LRRC37A2: variants seen among roughly 807,000 people sequenced by gnomAD.
The protein encoded by LRRC37A2 is leucine-rich repeat-containing protein 37A2.
In LRRC37A2, 9 loss-of-function variants were observed where a neutral mutation model predicts 68.8. That is an observed-to-expected ratio of 0.13 (90% CI 0.08 to 0.23). The LOEUF is 0.23. Among genes scored for constraint, LRRC37A2 ranks in the 10% least tolerant of loss-of-function variants. LRRC37A2 has a pLI of 1.00. For synonymous variants in LRRC37A2, 63 were observed against 367.6 expected (o/e 0.17, Z 9.48); for missense variants, 168 against 950.4 (o/e 0.18, Z 10.82).
At chr17:46,899,894 G>T in the LRRC37A2 span, among the ~76,000 whole-genome samples, 1 of 151,680 alleles carries the variant, frequency 6.6e-6, no homozygotes, top group Non-Finnish European at 1.5e-5. Flanking sequence ...ATATAGTGGG[G>T]GTAGTTAAGG....
chr17:46,911,959 T>C, the LRRC37A2 span, among the ~76,000 whole-genome samples: 1 of 152,194 alleles, frequency 6.6e-6, no homozygotes, highest in African/African-American at 2.4e-5. Flanking sequence ...GAGATCATTA[T>C]TAGTGAGAGC....
chr17:46,971,417 A>G, the LRRC37A2 span, among the ~76,000 whole-genome samples: 1 of 152,178 alleles, frequency 6.6e-6, no homozygotes, highest in Admixed American at 6.5e-5. Flanking sequence ...TTCTGAGCTG[A>G]TAGTCAAGGT....
At chr17:46,996,826 T>C in the LRRC37A2 span, among the ~76,000 whole-genome samples, 3 of 152,162 alleles carry the variant, frequency 2.0e-5, no homozygotes, top group African/African-American at 4.8e-5. Flanking sequence ...TTTCTAATTA[T>C]TTATTATGAT....
At chr17:46,721,320 C>A in the LRRC37A2 span, among the ~76,000 whole-genome samples, 5 of 152,150 alleles carry the variant, frequency 3.3e-5, no homozygotes, top group Non-Finnish European at 7.3e-5. Context: ...AGCTGCTCTT[C>A]CTTCCTTTAG....
At chr17:46,500,734 A>T in the LRRC37A2 span, among the ~76,000 whole-genome samples, 9 of 151,192 alleles carry the variant, frequency 6.0e-5, no homozygotes, top group East Asian at 1.7e-3. Flanking sequence ...ACATTCAATG[A>T]GTAGCAAAGT....
the LRRC37A2 span, among the ~76,000 whole-genome samples, chr17:46,793,235 T>A: frequency 1.5e-5 from 2 of 129,910 alleles, no homozygotes; most frequent in Admixed American, 1.8e-4. Context: ...GATCGAGCCA[T>A]TTTACTCTAG....
At chr17:46,516,392 G>C (rs1432273282) in intron 2 of LRRC37A2, among the ~76,000 whole-genome samples, 13 of 140,998 alleles carry the variant, frequency 9.2e-5, no homozygotes, top group Non-Finnish European at 3.1e-5. Flanking sequence ...GCAGACCATT[G>C]GTGCTAGAAT....
At chr17:46,996,842 C>T in the LRRC37A2 span, among the ~76,000 whole-genome samples, 18 of 152,266 alleles carry the variant, frequency 1.2e-4, no homozygotes, top group East Asian at 1.2e-3. Context: ...ATGATTTTGT[C>T]GGTTGACTGG....
chr17:46,908,922 T>A, the LRRC37A2 span, among the ~76,000 whole-genome samples: 12 of 152,142 alleles, frequency 7.9e-5, no homozygotes, highest in Non-Finnish European at 7.4e-5. Flanking sequence ...ACTTTGTACA[T>A]CTGCATGAGG....
At chr17:46,876,183 G>C in the LRRC37A2 span, 1 of 1,472,800 alleles carries the variant, frequency 6.8e-7, no homozygotes, top group Non-Finnish European at 9.1e-7. Context: ...GGTGCTCTGG[G>C]GGCAGGCTCT....
the LRRC37A2 span, among the ~76,000 whole-genome samples, chr17:46,806,549 C>T: frequency 2.6e-5 from 4 of 152,178 alleles, no homozygotes; most frequent in African/African-American, 9.7e-5. Flanking sequence ...GATGAAGAGG[C>T]TGCTTTCTCG....
the LRRC37A2 span, among the ~76,000 whole-genome samples, chr17:47,035,607 GAAT>G: frequency 3.3e-5 from 5 of 152,300 alleles, no homozygotes; most frequent in South Asian, 1.0e-3. Context: ...TGGCTTTTAT[GAAT>G]AATGCTGCTA....
chr17:47,027,057 C>T, the LRRC37A2 span, among the ~76,000 whole-genome samples: 2 of 152,114 alleles, frequency 1.3e-5, no homozygotes, highest in Non-Finnish European at 2.9e-5. Context: ...ACTACAGGCA[C>T]GTGCCACCAG....
At chr17:46,921,550 A>G in the LRRC37A2 span, among the ~76,000 whole-genome samples, 1 of 151,782 alleles carries the variant, frequency 6.6e-6, no homozygotes, top group African/African-American at 2.4e-5. Context: ...CAGGCAACCT[A>G]CAGAATGGGA....
the LRRC37A2 span, chr17:46,978,634 C>T: frequency 6.3e-7 from 1 of 1,581,968 alleles, no homozygotes; most frequent in Non-Finnish European, 8.6e-7. Context: ...GAGGGCGGAC[C>T]CAGATGGCGC....
the LRRC37A2 span, among the ~76,000 whole-genome samples, chr17:46,951,372 C>G: frequency 1.1e-3 from 175 of 152,310 alleles, no homozygotes; most frequent in Non-Finnish European, 2.2e-3. Flanking sequence ...CCTTACCCAT[C>G]AATTTCATCC....
the LRRC37A2 span, among the ~76,000 whole-genome samples, chr17:46,862,174 A>AAAAAAG: frequency 6.6e-6 from 1 of 150,946 alleles, no homozygotes; most frequent in African/African-American, 2.5e-5. Context: ...AAAAAAAAAA[A>AAAAAAG]AAAAAGAAAA....
chr17:47,020,475 CA>C, the LRRC37A2 span, among the ~76,000 whole-genome samples: 1 of 151,036 alleles, frequency 6.6e-6, no homozygotes, highest in East Asian at 1.9e-4. Context: ...GTCTCCAGAA[CA>C]CGAAAATGAT....
At chr17:46,995,890 C>A in the LRRC37A2 span, among the ~76,000 whole-genome samples, 305 of 152,310 alleles carry the variant, frequency 2.0e-3, 3 homozygotes, top group African/African-American at 6.8e-3. Context: ...GGAGGAGGGG[C>A]CTGGCCTGCT....
Sources: gnomAD v4.1 joint callset for allele counts (sites outside exome capture counted in the v4.1 genomes callset) on GRCh38, gnomAD v4.1.1 for gene constraint, MANE v1.5 for transcripts, NCBI Gene and HGNC (gene_info 2026-07-23, HGNC 2026-07-21) for gene names.